The following FAM107B variants were observed in gnomAD, a reference collection of about 807,000 sequenced individuals.
FAM107B encodes the protein family with sequence similarity 107 member B, also known as protein FAM107B.
Under a neutral mutation model 31.5 loss-of-function variants are expected in FAM107B, and 21 were observed. That is an observed-to-expected ratio of 0.67 (90% CI 0.47 to 0.96). The LOEUF is 0.96. FAM107B is among the 40% of genes least tolerant of loss of function. FAM107B has a pLI of 0.00. For missense variants in FAM107B, 452 were observed against 377.1 expected (o/e 1.20, Z -1.64); for synonymous variants, 157 against 141.5 (o/e 1.11, Z -0.78).
At chr10:14,624,005 C>A (rs1012292450) in intron 2 of FAM107B, among the ~76,000 whole-genome samples, 2 of 152,168 alleles carry the variant, frequency 1.3e-5, no homozygotes. Flanking sequence ...TGTTACAAAG[C>A]CTTCTCCTGA....
chr10:14,530,659 T>C, intron 2 of FAM107B, 144 bp from the exon 3 acceptor site: 1 of 713,874 alleles, frequency 1.4e-6, no homozygotes, highest in Non-Finnish European at 2.2e-6. Flanking sequence ...ATAAATATTC[T>C]AAAGCGCTTG....
At chr10:14,592,468 G>A (rs780366369) in intron 2 of FAM107B, among the ~76,000 whole-genome samples, 5 of 152,136 alleles carry the variant, frequency 3.3e-5, no homozygotes, top group Non-Finnish European at 7.3e-5. Flanking sequence ...AAGTGAAAGG[G>A]GAGAAAAAGA....
At chr10:14,570,233 G>GGGGTGTGTGTGTGTGTGTGTGT (rs1554835078) in intron 2 of FAM107B, among the ~76,000 whole-genome samples, 19 of 140,426 alleles carry the variant, frequency 1.4e-4, no homozygotes, top group African/African-American at 4.5e-4. Flanking sequence ...AAATGTGGTG[G>GGGGTGTGTGTGTGTGTGTGTGT]GTGTGTGTGT....
chr10:14,701,961 A>G (rs1855408836), intron 1 of FAM107B, among the ~76,000 whole-genome samples: 1 of 152,260 alleles, frequency 6.6e-6, no homozygotes, highest in Admixed American at 6.5e-5. Flanking sequence ...CTTCGAAAAC[A>G]AACTTTCAGA....
chr10:14,543,227 G>A (rs901022745), intron 2 of FAM107B, among the ~76,000 whole-genome samples: 1 of 152,116 alleles, frequency 6.6e-6, no homozygotes, highest in Non-Finnish European at 1.5e-5. Flanking sequence ...GTGTTCAGGG[G>A]AGCTGTTGCT....
intron 1 of FAM107B, among the ~76,000 whole-genome samples, chr10:14,752,806 C>T (rs1386686214): frequency 6.6e-6 from 1 of 152,034 alleles, no homozygotes; most frequent in Non-Finnish European, 1.5e-5. Context: ...GTGGCACATG[C>T]CTGTGGTCCC....
intron 1 of FAM107B, among the ~76,000 whole-genome samples, chr10:14,735,722 T>C (rs932891809): frequency 6.6e-6 from 1 of 152,114 alleles, no homozygotes; most frequent in African/African-American, 2.4e-5. Context: ...CTGCCAGTCC[T>C]CTCTGAGCCA....
intron 1 of FAM107B, among the ~76,000 whole-genome samples, chr10:14,690,744 G>A (rs895326083): frequency 8.7e-5 from 13 of 150,122 alleles, no homozygotes; most frequent in African/African-American, 2.9e-4. Context: ...GAGCCACCAC[G>A]CCCGGCCAAC....
chr10:14,522,090 A>C lies in FAM107B; in HGVS notation c.654-71T>G, dbSNP rs531803911. 2.6e-6 allele frequency: 4 copies of C among 1,550,602 alleles called. No individual in the cohort carries two copies. In the African/African-American group the frequency reaches 4.1e-5, roughly 16 times the overall value. On this transcript the variant is annotated intron_variant, in intron 3 of 4. Coordinates refer to ENST00000181796, the MANE Select transcript of FAM107B (RefSeq NM_031453.4). ...TACATTTTTTATGAACAGAAATTTA[A>C]CTTACAATATCAACCACGGAAAAGT...
chr10:14,626,080 C>G (rs1426699142), intron 2 of FAM107B, among the ~76,000 whole-genome samples: 49 of 152,022 alleles, frequency 3.2e-4, no homozygotes, highest in Admixed American at 3.2e-3. Context: ...CTTTTAAGAC[C>G]GTGGTTGTTT....
intron 2 of FAM107B, among the ~76,000 whole-genome samples, chr10:14,665,191 T>G (rs1854374637): frequency 6.6e-6 from 1 of 152,216 alleles, no homozygotes; most frequent in Non-Finnish European, 1.5e-5. Flanking sequence ...ATTCTAAATG[T>G]CTACCTACAC....
intron 1 of FAM107B, among the ~76,000 whole-genome samples, chr10:14,685,956 G>A (rs1240800323): frequency 6.6e-6 from 1 of 152,126 alleles, no homozygotes; most frequent in African/African-American, 2.4e-5. Flanking sequence ...GCTTGTACAG[G>A]GGAACTCCCA....
Position 14,640,960 on chromosome 10 carries a change from G to A in FAM107B, c.469+26674C>T, listed in dbSNP as rs147808265. Among the ~76,000 whole-genome samples the A allele has an allele frequency of 1.7e-3, 259 of 152,234 alleles. 2 individuals are homozygous for A. Among genetic ancestry groups the A allele is most frequent in the Middle Eastern group, 6.8e-3 (2 of 294 alleles). ...GATTTAATTGTTTCCCCTTAACCCA[G>A]TGTAATTATCTATGGTTTCCACTCC... On this transcript the variant is annotated intron_variant, in intron 2 of 4. Coordinates refer to ENST00000181796, the MANE Select transcript of FAM107B (RefSeq NM_031453.4).
intron 1 of FAM107B, among the ~76,000 whole-genome samples, chr10:14,671,908 C>G (rs77941974): frequency 0.19 from 27,354 of 140,706 alleles, 2,700 homozygotes; most frequent in Middle Eastern, 0.26. Flanking sequence ...AAAAAACCCT[C>G]TATTTCTTTT....
At chr10:14,594,142 C>A (rs1852104994) in intron 2 of FAM107B, among the ~76,000 whole-genome samples, 1 of 152,178 alleles carries the variant, frequency 6.6e-6, no homozygotes. Context: ...GAATACTTCA[C>A]AAATGGATCA....
intron 1 of FAM107B, among the ~76,000 whole-genome samples, chr10:14,740,686 CTG>C (rs1265771484): frequency 2.0e-5 from 3 of 152,132 alleles, no homozygotes; most frequent in African/African-American, 7.2e-5. Context: ...ATAGGGAAAA[CTG>C]TGTGCACAGG....
chr10:14,774,363 G>T lies in FAM107B; in HGVS notation c.301C>A (p.Pro101Thr), dbSNP rs761512976. The T allele has an allele frequency of 1.2e-6, 2 of 1,614,084 alleles. No individual in the cohort carries two copies. The highest frequency in any genetic ancestry group is 1.3e-5 in the African/African-American group (1 of 74,922). Residue 101 changes from proline to threonine, a missense_variant, in exon 1 of 5, where the codon CCC (proline) becomes ACC (threonine). Physicochemically the swap from Pro to Thr is conservative, Grantham distance 38 (BLOSUM62 -1). Coordinates refer to ENST00000181796, the MANE Select transcript of FAM107B (RefSeq NM_031453.4). ...RNSSHRTAAQ[P>T]AETPEDVPGS... The stretch of plus-strand genomic sequence containing the variant: ...GGCACATCTTCAGGCGTCTCCGCGG[G>T]CTGGGCCGCAGTGCGGTGACTTGAA...
Position 14,625,434 on chromosome 10 carries a change from C to T in FAM107B, c.469+42200G>A, listed in dbSNP as rs531558681. 8.0e-4 allele frequency among the ~76,000 whole-genome samples: 122 copies of T among 152,106 alleles called. 1 individual carries two copies. In the South Asian group the frequency reaches 0.025, roughly 31 times the overall value. On this transcript the variant is annotated intron_variant, in intron 2 of 4. Transcript: ENST00000181796. ...CTCCAGAACAATGAGCAGAGCCTGC[C>T]CCCTGCTCTGAGATGAAGCCTTTGT...
At chr10:14,582,415 T>C (rs764830826) in intron 2 of FAM107B, among the ~76,000 whole-genome samples, 22 of 146,508 alleles carry the variant, frequency 1.5e-4, no homozygotes, top group East Asian at 4.1e-4. Flanking sequence ...CTCACTCTGT[T>C]GCCCAGGCTG....
Sources: gnomAD v4.1 joint callset for allele counts (sites outside exome capture counted in the v4.1 genomes callset) on GRCh38, gnomAD v4.1.1 for gene constraint, MANE v1.5 for transcripts, NCBI Gene and HGNC (gene_info 2026-07-23, HGNC 2026-07-21) for gene names.